CHODL: variants seen among roughly 807,000 people sequenced by gnomAD.
The protein encoded by CHODL is chondrolectin.
In CHODL, 29 loss-of-function variants were observed where a neutral mutation model predicts 34.5. The ratio of observed to expected loss-of-function variants is 0.84; its 90% CI spans 0.63 to 1.15. The LOEUF (loss-of-function observed/expected upper bound fraction) is 1.15. Ranked by LOEUF, CHODL falls within the 50% of genes most tolerant of loss-of-function variation. CHODL has a pLI of 0.00. For missense variants in CHODL, 332 were observed against 332.5 expected (o/e 1.00, Z 0.01); for synonymous variants, 125 against 116.1 (o/e 1.08, Z -0.49).
chr21:17,976,571 T>G (rs1344052080), intron 1 of CHODL, among the ~76,000 whole-genome samples: 1 of 152,198 alleles, frequency 6.6e-6, no homozygotes, highest in East Asian at 1.9e-4. Context: ...AAATCATTAT[T>G]GGTAATTATT....
rs991256423 is a variant in CHODL at position 18,134,708 on chromosome 21, C to A, written c.-45+106737C>A. On this transcript the variant is annotated intron_variant, in intron 2 of 6. Transcript: ENST00000400127. Reference sequence around the variant, plus strand: ...GGCACTTCCTCCCTTCCTGAAGGTACTTTCACCTCTCTCACAAGAGGAGGA... The same window carrying A: ...GGCACTTCCTCCCTTCCTGAAGGTAATTTCACCTCTCTCACAAGAGGAGGA... 7.9e-5 allele frequency among the ~76,000 whole-genome samples: 12 copies of A among 152,298 alleles called. No homozygotes were observed. In the East Asian group the frequency reaches 2.1e-3, roughly 27 times the overall value.
intron 1 of CHODL, among the ~76,000 whole-genome samples, chr21:17,973,655 C>A (rs1483289562): frequency 2.0e-5 from 3 of 151,762 alleles, no homozygotes; most frequent in Non-Finnish European, 4.4e-5. Flanking sequence ...CTCCTGACCT[C>A]GTGATCCGCC....
intron 1 of CHODL, among the ~76,000 whole-genome samples, chr21:17,944,508 C>G (rs1237455273): frequency 6.6e-6 from 1 of 152,198 alleles, no homozygotes; most frequent in African/African-American, 2.4e-5. Flanking sequence ...TCCCCAATTA[C>G]ACATTTCTAA....
Position 18,168,529 on chromosome 21 carries a change from A to G in CHODL, c.-44-87980A>G, listed in dbSNP as rs182942571. 2.3e-3 allele frequency among the ~76,000 whole-genome samples: 351 copies of G among 152,326 alleles called. 4 individuals are homozygous for G. Among genetic ancestry groups the G allele is most frequent in the African/African-American group, 6.3e-3 (262 of 41,584 alleles). On this transcript the variant is annotated intron_variant, in intron 2 of 6. Transcript: ENST00000400127. ...ATGCATTTCCCTAATGATTAATGAT[A>G]TTAGACATCTTATCTTGTGCCTATT...
intron 5 of CHODL, among the ~76,000 whole-genome samples, chr21:18,265,206 CAT>C (rs984437117): frequency 8.8e-5 from 12 of 135,812 alleles, no homozygotes; most frequent in African/African-American, 2.7e-4. Flanking sequence ...CACACACACA[CAT>C]ATATGTATGT....
intron 2 of CHODL, among the ~76,000 whole-genome samples, chr21:18,070,587 C>A (rs2064791607): frequency 6.6e-6 from 1 of 152,178 alleles, no homozygotes; most frequent in Non-Finnish European, 1.5e-5. Flanking sequence ...GGGCAATAAA[C>A]AAATCTTCTT....
At chr21:18,152,512 AT>A (rs917357090) in intron 2 of CHODL, among the ~76,000 whole-genome samples, 4 of 152,040 alleles carry the variant, frequency 2.6e-5, no homozygotes, top group Non-Finnish European at 4.4e-5. Context: ...TGTTGGAATA[AT>A]TTTTTCTTTG....
intron 1 of CHODL, among the ~76,000 whole-genome samples, chr21:17,983,753 G>A (rs1479703214): frequency 1.3e-5 from 2 of 152,018 alleles, no homozygotes; most frequent in Non-Finnish European, 2.9e-5. Context: ...CTCTATTGAG[G>A]TATAATTGAT....
At chr21:18,038,186 A>G (rs1308043609) in intron 2 of CHODL, among the ~76,000 whole-genome samples, 1 of 151,720 alleles carries the variant, frequency 6.6e-6, no homozygotes, top group Non-Finnish European at 1.5e-5. Flanking sequence ...TGACATTAAA[A>G]TGGAGAATTT....
chr21:18,200,545 A>T (rs949431580), intron 2 of CHODL, among the ~76,000 whole-genome samples: 2 of 152,174 alleles, frequency 1.3e-5, no homozygotes, highest in Non-Finnish European at 2.9e-5. Context: ...TTTCCTCTTA[A>T]TATCTCCTAT....
chr21:18,028,457 G>T (rs941222077), intron 2 of CHODL, among the ~76,000 whole-genome samples: 2 of 151,894 alleles, frequency 1.3e-5, no homozygotes, highest in Non-Finnish European at 2.9e-5. Flanking sequence ...AGCACTTTGG[G>T]AGGCCAAGGT....
upstream of CHODL, among the ~76,000 whole-genome samples, chr21:18,244,606 CAA>C (rs1233997868): frequency 6.6e-5 from 10 of 152,260 alleles, no homozygotes; most frequent in South Asian, 2.1e-3. Context: ...ACATTTTACA[CAA>C]AGAGTATCCA....
At chr21:18,095,854 C>T (rs78219602) in intron 2 of CHODL, among the ~76,000 whole-genome samples, 118 of 152,154 alleles carry the variant, frequency 7.8e-4, no homozygotes, top group Non-Finnish European at 1.1e-3. Flanking sequence ...TCAACATATG[C>T]GAAACAATGA....
At position 18,265,161 on chromosome 21, in the gene CHODL, A is replaced by C. The variant is rs185355552; in HGVS notation, c.738-793A>C. Among the ~76,000 whole-genome samples, 404 of 151,342 alleles carry C rather than the reference A, an allele frequency of 2.7e-3. 1 individual carries two copies. Among genetic ancestry groups the C allele is most frequent in the African/African-American group, 9.5e-3 (390 of 41,154 alleles). ...CCCATCAATCAATGCGTGGATAAAGAATCTGTGGTATATATATGTATATAT... is the reference window on the plus strand; with the variant it reads ...CCCATCAATCAATGCGTGGATAAAGCATCTGTGGTATATATATGTATATAT... On this transcript the variant is annotated intron_variant, in intron 5 of 5. Coordinates refer to ENST00000299295, the MANE Select transcript of CHODL (RefSeq NM_024944.3).
intron 2 of CHODL, among the ~76,000 whole-genome samples, chr21:18,079,844 C>T (rs927971832): frequency 2.0e-5 from 3 of 151,852 alleles, no homozygotes. Flanking sequence ...TTGCTATAAT[C>T]CTACACAGTA....
intron 1 of CHODL, among the ~76,000 whole-genome samples, chr21:18,006,380 G>T (rs902576197): frequency 6.6e-6 from 1 of 151,308 alleles, no homozygotes; most frequent in Non-Finnish European, 1.5e-5. Context: ...AAAAAAAAAT[G>T]TAGCTCCTTT....
chr21:18,248,739 ATGTAT>A (rs1283118981), intron 1 of CHODL, among the ~76,000 whole-genome samples: 4 of 117,368 alleles, frequency 3.4e-5, no homozygotes, highest in Non-Finnish European at 6.5e-5. Flanking sequence ...TATAATATAT[ATGTAT>A]AATATATATG....
At chr21:18,053,804 A>G (rs1419470701) in intron 2 of CHODL, among the ~76,000 whole-genome samples, 1 of 151,906 alleles carries the variant, frequency 6.6e-6, no homozygotes, top group African/African-American at 2.4e-5. Flanking sequence ...AGCCTCATGT[A>G]AGACTGTACC....
chr21:17,922,505 T>C (rs1395024850), intron 1 of CHODL, among the ~76,000 whole-genome samples: 2 of 152,192 alleles, frequency 1.3e-5, no homozygotes, highest in Non-Finnish European at 2.9e-5. Context: ...TTGATAAATC[T>C]GGTTTGGAAC....
Sources: gnomAD v4.1 joint callset for allele counts (sites outside exome capture counted in the v4.1 genomes callset) on GRCh38, gnomAD v4.1.1 for gene constraint, MANE v1.5 for transcripts, NCBI Gene and HGNC (gene_info 2026-07-23, HGNC 2026-07-21) for gene names.